Variants in INPP4B observed in about 807,000 individuals in gnomAD.
INPP4B encodes inositol polyphosphate-4-phosphatase type II B.
Under a neutral mutation model 122.5 loss-of-function variants are expected in INPP4B, and 55 were observed. The observed-to-expected ratio is 0.45, with a 90% CI of 0.36 to 0.56. INPP4B has a LOEUF of 0.56. Among genes scored for constraint, INPP4B ranks in the 20% least tolerant of loss-of-function variants. The pLI is 0.00. For missense variants in INPP4B, 1,000 were observed against 1,097.7 expected (o/e 0.91, Z 1.26); for synonymous variants, 403 against 388.7 (o/e 1.04, Z -0.43).
chr4:142,058,688 AT>A (rs922630719), intron 25 of INPP4B, among the ~76,000 whole-genome samples: 1 of 152,146 alleles, frequency 6.6e-6, no homozygotes, highest in Non-Finnish European at 1.5e-5. Flanking sequence ...CAGAAGTAAT[AT>A]TTTAAATGTC....
intron 2 of INPP4B, among the ~76,000 whole-genome samples, chr4:142,525,786 C>T (rs1826827709): frequency 6.9e-6 from 1 of 144,242 alleles, no homozygotes; most frequent in Non-Finnish European, 1.5e-5. Context: ...CATAAAAACC[C>T]TAGAAGAAAA....
chr4:142,301,606 CA>C (rs2151130323), intron 9 of INPP4B, among the ~76,000 whole-genome samples: 1 of 152,278 alleles, frequency 6.6e-6, no homozygotes, highest in South Asian at 2.1e-4. Flanking sequence ...TGCATGCTAG[CA>C]GATGCTCAAT....
chr4:142,167,954 T>C (rs1252560494), intron 16 of INPP4B, among the ~76,000 whole-genome samples: 1 of 150,584 alleles, frequency 6.6e-6, no homozygotes, highest in Admixed American at 6.6e-5. Context: ...ACCTTTATTT[T>C]TGAGAGTTAG....
intron 21 of INPP4B, among the ~76,000 whole-genome samples, chr4:142,113,024 G>C (rs1173459650): frequency 6.6e-6 from 1 of 151,938 alleles, no homozygotes; most frequent in African/African-American, 2.4e-5. Context: ...AAGAATAAGA[G>C]CAATAATTTA....
intron 11 of INPP4B, among the ~76,000 whole-genome samples, chr4:142,257,156 C>A (rs1026369652): frequency 1.1e-4 from 17 of 152,086 alleles, no homozygotes; most frequent in Non-Finnish European, 2.1e-4. Flanking sequence ...AATTCAACAA[C>A]CCTTCATGCT....
chr4:142,101,038 T>C (rs1399100092), intron 23 of INPP4B, among the ~76,000 whole-genome samples: 1 of 152,104 alleles, frequency 6.6e-6, no homozygotes, highest in Non-Finnish European at 1.5e-5. Flanking sequence ...AATCTGATTG[T>C]TTGAAGGCCT....
intron 2 of INPP4B, among the ~76,000 whole-genome samples, chr4:142,599,433 CA>C (rs1213447714): frequency 6.6e-6 from 1 of 152,122 alleles, no homozygotes; most frequent in Non-Finnish European, 1.5e-5. Context: ...TTTACAGCCA[CA>C]AAAAATCATA....
At chr4:142,406,099 G>T (rs183438090) in intron 5 of INPP4B, among the ~76,000 whole-genome samples, 1 of 152,226 alleles carries the variant, frequency 6.6e-6, no homozygotes, top group East Asian at 1.9e-4. Flanking sequence ...TTTTAAGCAA[G>T]TCTGAATCGA....
At chr4:142,481,550 G>T (rs567316772) in intron 2 of INPP4B, among the ~76,000 whole-genome samples, 2 of 152,076 alleles carry the variant, frequency 1.3e-5, no homozygotes, top group South Asian at 4.2e-4. Flanking sequence ...TCCTTTGTTA[G>T]AGATTTTATA....
intron 5 of INPP4B, chr4:142,427,302 C>A (rs1397446708): frequency 2.7e-6 from 1 of 368,498 alleles, no homozygotes; most frequent in Non-Finnish European, 4.7e-6. Context: ...TTTTAGTAAA[C>A]TTGTGTTCGC....
intron 1 of INPP4B, among the ~76,000 whole-genome samples, chr4:142,844,227 G>C (rs1425911114): frequency 6.6e-6 from 1 of 151,950 alleles, no homozygotes; most frequent in African/African-American, 2.4e-5. Flanking sequence ...ACTTTATAAA[G>C]AGTCAAAAGC....
At chr4:142,784,594 G>T (rs1421854642) in intron 1 of INPP4B, among the ~76,000 whole-genome samples, 1 of 151,978 alleles carries the variant, frequency 6.6e-6, no homozygotes, top group African/African-American at 2.4e-5. Flanking sequence ...TTGATGAATT[G>T]CTGGAGGATA....
intron 2 of INPP4B, among the ~76,000 whole-genome samples, chr4:142,598,201 G>A (rs1457268779): frequency 6.6e-6 from 1 of 152,090 alleles, no homozygotes; most frequent in African/African-American, 2.4e-5. Context: ...GGTATTACAG[G>A]GAAAGGGTAA....
intron 3 of INPP4B, among the ~76,000 whole-genome samples, chr4:142,433,243 A>G (rs1403595939): frequency 6.6e-6 from 1 of 152,164 alleles, no homozygotes; most frequent in Non-Finnish European, 1.5e-5. Context: ...TATGGTTATG[A>G]TAACATACAG....
At chr4:142,104,681 T>A (rs1786106551) in intron 23 of INPP4B, among the ~76,000 whole-genome samples, 1 of 152,100 alleles carries the variant, frequency 6.6e-6, no homozygotes, top group South Asian at 2.1e-4. Flanking sequence ...TGTCCCTTGG[T>A]ACCCAAGGAG....
chr4:142,768,717 A>G (rs1772545875), intron 1 of INPP4B, among the ~76,000 whole-genome samples: 1 of 151,324 alleles, frequency 6.6e-6, no homozygotes. Context: ...GAAACAAGAA[A>G]GAACATGAAG....
chr4:142,074,607 G>T (rs1769458445), intron 25 of INPP4B, among the ~76,000 whole-genome samples: 1 of 152,052 alleles, frequency 6.6e-6, no homozygotes, highest in South Asian at 2.1e-4. Context: ...GTAATCAGAT[G>T]TTGGTAAAAC....
intron 23 of INPP4B, among the ~76,000 whole-genome samples, chr4:142,100,322 G>T (rs1306172509): frequency 6.6e-6 from 1 of 151,974 alleles, no homozygotes; most frequent in Non-Finnish European, 1.5e-5. Context: ...CTTTTCTATG[G>T]CTCCAGCTCC....
At chr4:142,278,866 A>G (rs570594554) in intron 9 of INPP4B, among the ~76,000 whole-genome samples, 1 of 152,086 alleles carries the variant, frequency 6.6e-6, no homozygotes, top group African/African-American at 2.4e-5. Context: ...GAAATAATCT[A>G]TGAACCAGAA....
Sources: allele counts gnomAD v4.1 joint callset (sites outside exome capture counted in the v4.1 genomes callset), GRCh38; gene constraint gnomAD v4.1.1; transcripts MANE v1.5; gene names NCBI Gene and HGNC (gene_info 2026-07-23, HGNC 2026-07-21).